KLHL1: variants seen among roughly 807,000 people sequenced by gnomAD.
The protein encoded by KLHL1 is kelch-like protein 1.
Under a neutral mutation model 77.7 loss-of-function variants are expected in KLHL1, and 47 were observed. The observed-to-expected ratio is 0.60, with a 90% CI of 0.48 to 0.77. KLHL1 has a LOEUF of 0.77. KLHL1 is among the 30% of genes least tolerant of loss of function. The pLI is 0.00. For synonymous variants in KLHL1, 360 were observed against 325.2 expected (o/e 1.11, Z -1.15); for missense variants, 925 against 910.8 (o/e 1.02, Z -0.20).
intron 6 of KLHL1, among the ~76,000 whole-genome samples, chr13:69,809,953 A>G (rs558779197): frequency 6.6e-6 from 1 of 152,248 alleles, no homozygotes; most frequent in Non-Finnish European, 1.5e-5. Flanking sequence ...AATGAAGGGC[A>G]TTAGATAATG....
chr13:69,770,623 G>A (rs1875518299), intron 7 of KLHL1, among the ~76,000 whole-genome samples: 1 of 152,198 alleles, frequency 6.6e-6, no homozygotes, highest in East Asian at 1.9e-4. Flanking sequence ...ACAGGTGTGA[G>A]CCACTGTCCT....
intron 1 of KLHL1, among the ~76,000 whole-genome samples, chr13:70,101,487 G>C (rs938363387): frequency 6.6e-6 from 1 of 152,048 alleles, no homozygotes; most frequent in Non-Finnish European, 1.5e-5. Context: ...GGAGTGCAGT[G>C]GCGCGATCTC....
intron 1 of KLHL1, among the ~76,000 whole-genome samples, chr13:70,012,419 A>G (rs1885557474): frequency 6.6e-6 from 1 of 152,010 alleles, no homozygotes; most frequent in Non-Finnish European, 1.5e-5. Flanking sequence ...TATTGACACA[A>G]ATTTAACTTA....
chr13:69,797,303 C>T (rs1409010010), intron 6 of KLHL1, among the ~76,000 whole-genome samples: 1 of 152,072 alleles, frequency 6.6e-6, no homozygotes, highest in East Asian at 1.9e-4. Context: ...AAAAATGTAG[C>T]ATAATACCAG....
At chr13:69,713,910 C>T (rs1875992569) in intron 9 of KLHL1, among the ~76,000 whole-genome samples, 1 of 151,932 alleles carries the variant, frequency 6.6e-6, no homozygotes, top group South Asian at 2.1e-4. Context: ...TTAATTTTAA[C>T]CCCAAGACAG....
At chr13:70,039,009 C>A (rs963295750) in intron 1 of KLHL1, among the ~76,000 whole-genome samples, 2 of 149,124 alleles carry the variant, frequency 1.3e-5, no homozygotes, top group Non-Finnish European at 3.0e-5. Context: ...ATTTTTATAT[C>A]TTTTCATGTT....
At chr13:70,036,218 C>T (rs1043127651) in intron 1 of KLHL1, among the ~76,000 whole-genome samples, 1 of 151,900 alleles carries the variant, frequency 6.6e-6, no homozygotes, top group Non-Finnish European at 1.5e-5. Flanking sequence ...AGAAACATTG[C>T]TGCTAGGGTT....
chr13:70,031,293 G>T (rs1593688993), intron 1 of KLHL1, among the ~76,000 whole-genome samples: 1 of 152,108 alleles, frequency 6.6e-6, no homozygotes, highest in East Asian at 1.9e-4. Context: ...CATTGGAGGT[G>T]TTCTTTCAGC....
At chr13:69,932,068 A>C (rs950992493) in intron 4 of KLHL1, among the ~76,000 whole-genome samples, 3 of 151,718 alleles carry the variant, frequency 2.0e-5, no homozygotes, top group African/African-American at 7.2e-5. Flanking sequence ...TAATATGCGA[A>C]AGTACTTATT....
At chr13:70,016,482 C>A (rs1899326) in intron 1 of KLHL1, among the ~76,000 whole-genome samples, 35,223 of 152,166 alleles carry the variant, frequency 0.23, 4,549 homozygotes, top group East Asian at 0.55. Flanking sequence ...GCTCCTGGTG[C>A]CAACTATGAT....
At chr13:69,833,528 A>T (rs1878851075) in intron 6 of KLHL1, among the ~76,000 whole-genome samples, 1 of 151,990 alleles carries the variant, frequency 6.6e-6, no homozygotes, top group Non-Finnish European at 1.5e-5. Context: ...TAGTATGACC[A>T]CTATATAAAA....
At chr13:70,012,944 T>C (rs2137340888) in intron 1 of KLHL1, among the ~76,000 whole-genome samples, 1 of 151,976 alleles carries the variant, frequency 6.6e-6, no homozygotes, top group East Asian at 1.9e-4. Context: ...CTCTATAATA[T>C]ACTTTTAATA....
intron 4 of KLHL1, among the ~76,000 whole-genome samples, chr13:69,905,857 C>T (rs78559462): frequency 0.021 from 3,228 of 152,060 alleles, 54 homozygotes; most frequent in Middle Eastern, 0.048. Flanking sequence ...AAAATAATCA[C>T]GATAAATGGC....
At chr13:70,099,365 G>T (rs745680123) in intron 1 of KLHL1, among the ~76,000 whole-genome samples, 2 of 151,540 alleles carry the variant, frequency 1.3e-5, no homozygotes, top group Non-Finnish European at 3.0e-5. Flanking sequence ...GAAGATAAAA[G>T]AAAAAAGTTT....
At position 70,018,648 on chromosome 13, in the gene KLHL1, C is replaced by T. The variant is rs544580798; in HGVS notation, c.498-42846G>A. On this transcript the variant is annotated intron_variant, in intron 1 of 10. Transcript: ENST00000377844. ...AATACACTTAGTGCAGTTGTTAAAA[C>T]GTGGAGTTAAAGGCACATGTGAATA... Among the ~76,000 whole-genome samples the T allele has an allele frequency of 6.6e-5, 10 of 151,620 alleles. No individual in the cohort carries two copies. The East Asian group carries it at 9.6e-4, about 15-fold the overall frequency.
chr13:70,084,644 TTTTTG>T (rs1216311202), intron 1 of KLHL1, among the ~76,000 whole-genome samples: 13 of 128,180 alleles, frequency 1.0e-4, no homozygotes, highest in African/African-American at 1.6e-4. Flanking sequence ...TTTTTTTTTT[TTTTTG>T]AATTTTTAGT....
At chr13:69,898,022 C>T (rs894692005) in intron 4 of KLHL1, among the ~76,000 whole-genome samples, 8 of 152,138 alleles carry the variant, frequency 5.3e-5, no homozygotes, top group African/African-American at 1.4e-4. Flanking sequence ...AAAGATTGAC[C>T]GGTAGAAAGT....
intron 1 of KLHL1, among the ~76,000 whole-genome samples, chr13:70,090,420 A>T (rs1307256111): frequency 1.3e-5 from 2 of 152,016 alleles, no homozygotes; most frequent in African/African-American, 4.8e-5. Flanking sequence ...TAGGTATCCA[A>T]ATCTATAAGC....
chr13:69,750,178 A>AAT (rs1202324249), intron 7 of KLHL1, among the ~76,000 whole-genome samples: 1 of 151,546 alleles, frequency 6.6e-6, no homozygotes, highest in Non-Finnish European at 1.5e-5. Flanking sequence ...GTGGCTTCAT[A>AAT]ATATATATAT....
Sources: gnomAD v4.1 joint callset for allele counts (sites outside exome capture counted in the v4.1 genomes callset) on GRCh38, gnomAD v4.1.1 for gene constraint, MANE v1.5 for transcripts, NCBI Gene and HGNC (gene_info 2026-07-23, HGNC 2026-07-21) for gene names.